The following FGD6 variants were observed in gnomAD, a reference collection of about 807,000 sequenced individuals.
FGD6 encodes the protein FYVE, RhoGEF and PH domain-containing protein 6.
FGD6 carries 90 observed loss-of-function variants against 149.4 expected under a neutral mutation model. The observed-to-expected ratio is 0.60, with a 90% CI of 0.51 to 0.72. The LOEUF (loss-of-function observed/expected upper bound fraction) is 0.72. Among genes scored for constraint, FGD6 ranks in the 30% least tolerant of loss-of-function variants. The probability of loss-of-function intolerance (pLI) is 0.00; values close to 1 mark genes in which losing one functional copy is unlikely to be tolerated. For synonymous variants in FGD6, 527 were observed against 584.0 expected, an observed-to-expected ratio of 0.90 and a Z score of 1.41; for missense variants, 1,437 against 1,684.8, an observed-to-expected ratio of 0.85 and a Z score of 2.57.
At position 95,083,190 on chromosome 12, in the gene FGD6, C is replaced by CAT. The variant is rs1028294485; in HGVS notation, c.4256+1306_4256+1307dup. On this transcript the variant is annotated intron_variant, in intron 20 of 20. Transcript: ENST00000343958. Reference sequence around the variant, plus strand: ...AAAATTTAATATTGAACATAAATAGCATGTTATACTGCCATAGCAAGGCTT... The same window carrying CAT: ...AAAATTTAATATTGAACATAAATAGCATATGTTATACTGCCATAGCAAGGCTT... Among the ~76,000 whole-genome samples, 138 of 150,910 alleles carry CAT rather than the reference C, an allele frequency of 9.1e-4. 1 individual carries two copies. Among genetic ancestry groups the CAT allele is most frequent in the African/African-American group, 3.0e-3 (125 of 41,164 alleles).
intron 8 of FGD6, among the ~76,000 whole-genome samples, chr12:95,116,086 C>G (rs909445096): frequency 1.3e-5 from 2 of 152,066 alleles, no homozygotes; most frequent in African/African-American, 4.8e-5. Flanking sequence ...AAAAAATTCC[C>G]AAATTAACAA....
chr12:95,204,942 T>C (rs1171484121), intron 2 of FGD6, among the ~76,000 whole-genome samples: 1 of 152,208 alleles, frequency 6.6e-6, no homozygotes, highest in Non-Finnish European at 1.5e-5. Context: ...CTACAACTAC[T>C]TTCTGATAAA....
At chr12:95,097,741 A>G (rs2136236279) in intron 14 of FGD6, among the ~76,000 whole-genome samples, 1 of 151,488 alleles carries the variant, frequency 6.6e-6, no homozygotes, top group East Asian at 1.9e-4. Context: ...TTGATTTGTG[A>G]GTAACGCTGT....
chr12:95,127,483 G>A (rs1879380698), intron 8 of FGD6, among the ~76,000 whole-genome samples: 1 of 152,232 alleles, frequency 6.6e-6, no homozygotes, highest in African/African-American at 2.4e-5. Flanking sequence ...GGTGGAGGTT[G>A]TAGTGAGCCA....
At chr12:95,154,783 C>T (rs1352647779) in intron 3 of FGD6, among the ~76,000 whole-genome samples, 1 of 152,012 alleles carries the variant, frequency 6.6e-6, no homozygotes, top group Non-Finnish European at 1.5e-5. Context: ...AGCAGTCATT[C>T]ATTAATGAAA....
At chr12:95,122,985 G>A (rs946127969) in intron 8 of FGD6, among the ~76,000 whole-genome samples, 2 of 151,778 alleles carry the variant, frequency 1.3e-5, no homozygotes, top group African/African-American at 4.8e-5. Flanking sequence ...GGGAGGCTAA[G>A]GTAGGAGAAT....
intron 1 of FGD6, among the ~76,000 whole-genome samples, chr12:95,212,952 T>G (rs893560382): frequency 6.6e-6 from 1 of 152,248 alleles, no homozygotes; most frequent in Non-Finnish European, 1.5e-5. Context: ...AGGTATAATG[T>G]CATCATCAAT....
chr12:95,167,130 C>G (rs1229055228), intron 3 of FGD6, among the ~76,000 whole-genome samples: 1 of 152,142 alleles, frequency 6.6e-6, no homozygotes, highest in Non-Finnish European at 1.5e-5. Flanking sequence ...GCTGGGATTA[C>G]AGGCATGAGC....
At chr12:95,106,811 T>C in intron 13 of FGD6, 143 bp downstream of exon 13, 6 of 631,058 alleles carry the variant, frequency 9.5e-6, no homozygotes, top group Non-Finnish European at 1.7e-5. Context: ...GAAGAATCAC[T>C]TGAACCCAGG....
At chr12:95,092,387 G>C (rs1002943730) in intron 16 of FGD6, among the ~76,000 whole-genome samples, 3 of 152,190 alleles carry the variant, frequency 2.0e-5, no homozygotes, top group Non-Finnish European at 4.4e-5. Flanking sequence ...GAGAGATGCA[G>C]TTTAAATAAT....
rs150326103 is a variant in FGD6 at position 95,203,425 on chromosome 12, G to A, written c.2441+5418C>T. 1.5e-4 allele frequency among the ~76,000 whole-genome samples: 23 copies of A among 152,162 alleles called. No homozygotes were observed. The East Asian group carries it at 4.1e-3, about 27-fold the overall frequency. Reference sequence around the variant, plus strand: ...CTTCTCCAACAGTACCACTAAAACTGCTCTCACCAACATTAAAAAACAACC... The same window carrying A: ...CTTCTCCAACAGTACCACTAAAACTACTCTCACCAACATTAAAAAACAACC... On this transcript the variant is annotated intron_variant, in intron 2 of 20. Transcript: ENST00000343958.
At chr12:95,184,843 A>G (rs1881382747) in intron 2 of FGD6, among the ~76,000 whole-genome samples, 1 of 151,346 alleles carries the variant, frequency 6.6e-6, no homozygotes, top group East Asian at 1.9e-4. Context: ...TTGGCCTCCC[A>G]AAGTGCTGGG....
chr12:95,118,091 CT>C (rs1227111780), intron 8 of FGD6, among the ~76,000 whole-genome samples: 2 of 152,098 alleles, frequency 1.3e-5, no homozygotes, highest in African/African-American at 4.8e-5. Flanking sequence ...TGGCTCATGC[CT>C]GTAATCCCAG....
chr12:95,087,507 T>C (rs1324207547), intron 18 of FGD6, among the ~76,000 whole-genome samples: 1 of 152,128 alleles, frequency 6.6e-6, no homozygotes, highest in Non-Finnish European at 1.5e-5. Flanking sequence ...CAAAAGCTAG[T>C]AAGAAGGCAA....
At chr12:95,085,627 G>C (rs923407907) in intron 19 of FGD6, 153 bp downstream of exon 19, 2 of 771,610 alleles carry the variant, frequency 2.6e-6, no homozygotes, top group Admixed American at 2.9e-5. Context: ...CAAGAACACT[G>C]TTCACATTAA....
intron 2 of FGD6, among the ~76,000 whole-genome samples, chr12:95,181,109 TC>T (rs1383439823): frequency 6.6e-6 from 1 of 152,110 alleles, no homozygotes; most frequent in East Asian, 1.9e-4. Context: ...AGTCTAAGTC[TC>T]TAAATAATAG....
At position 95,209,869 on chromosome 12, in the gene FGD6, T is replaced by A; in HGVS notation, c.1415A>T (p.Asn472Ile). Residue 472 changes from asparagine (N) to isoleucine (I), a missense_variant, in exon 2 of 21, where the codon AAC (asparagine) becomes ATC (isoleucine). Around this residue, in one of 2 missense-constraint regions of FGD6, gnomAD observed 1,055 missense variants for 1,146.0 expected, o/e 0.92. Coordinates refer to ENST00000343958, the MANE Select transcript of FGD6 (RefSeq NM_018351.4). ...CATTTGAGGGGCAGAAACTCCCAGG[T>A]TTCTCCCAGATTGCAAATGTTCATT... Reference protein sequence around the residue: ...TCNEHLQSGRNLGVSAPQMQK... With the variant: ...TCNEHLQSGRILGVSAPQMQK... 1 of 1,612,990 alleles carries A rather than the reference T, an allele frequency of 6.2e-7. No individual in the cohort carries two copies. Among genetic ancestry groups the A allele is most frequent in the Non-Finnish European group, 8.5e-7 (1 of 1,179,828 alleles).
At chr12:95,211,865 A>G (rs904495042) in intron 1 of FGD6, among the ~76,000 whole-genome samples, 3 of 152,150 alleles carry the variant, frequency 2.0e-5, no homozygotes, top group Admixed American at 6.5e-5. Context: ...ACAAAAAATG[A>G]GATAATTGAC....
chr12:95,081,464 C>A lies in FGD6; in HGVS notation c.*56G>T, dbSNP rs557408624. ...ATACAATTTTTGAATTGCATTTACT[C>A]CATTCTGATGAAATTCCACCTCTTT... On this transcript the variant is annotated 3_prime_UTR_variant, in exon 21 of 21. Transcript: ENST00000343958. 21 of 1,476,258 alleles carry A rather than the reference C, an allele frequency of 1.4e-5. No homozygotes were observed. The East Asian group carries it at 4.8e-4, about 34-fold the overall frequency. The allele number at this position is 1,476,258 out of a possible 1,614,324, so 91.4% of individuals were successfully genotyped here.
Sources: gnomAD v4.1 joint callset for allele counts (sites outside exome capture counted in the v4.1 genomes callset) on GRCh38, gnomAD v4.1.1 for gene constraint, gnomAD v4.1.1 regional missense constraint, MANE v1.5 for transcripts, NCBI Gene and HGNC (gene_info 2026-07-23, HGNC 2026-07-21) for gene names.